SIK3: variants seen among roughly 807,000 people sequenced by gnomAD.
SIK3 encodes the protein serine/threonine-protein kinase SIK3.
Under a neutral mutation model 144.2 loss-of-function variants are expected in SIK3, and 28 were observed. The observed-to-expected ratio is 0.19, with a 90% confidence interval of 0.14 to 0.27. The LOEUF is 0.27. Ranked by LOEUF, SIK3 falls within the 10% of genes least tolerant of loss-of-function variation. The pLI, the probability that SIK3 is intolerant of heterozygous loss-of-function variation, is 1.00. For synonymous variants in SIK3, 686 were observed against 676.3 expected (o/e 1.01, Z -0.22); for missense variants, 1,319 against 1,776.0 (o/e 0.74, Z 4.62).
intron 1 of SIK3, among the ~76,000 whole-genome samples, chr11:116,980,176 C>T (rs187392713): frequency 9.1e-4 from 138 of 152,296 alleles, no homozygotes; most frequent in Non-Finnish European, 1.5e-3. Context: ...ATTTAATACA[C>T]CTAGCCTACC....
intron 4 of SIK3, among the ~76,000 whole-genome samples, chr11:116,918,394 C>T (rs1946783270): frequency 6.6e-6 from 1 of 152,036 alleles, no homozygotes; most frequent in Non-Finnish European, 1.5e-5. Flanking sequence ...TTTCCACCCC[C>T]ACCCCCACAA....
chr11:117,068,939 T>TAGTATGAC (rs1057383631), intron 1 of SIK3, among the ~76,000 whole-genome samples: 3 of 152,130 alleles, frequency 2.0e-5, no homozygotes, highest in African/African-American at 7.2e-5. Flanking sequence ...TAAAGATGGG[T>TAGTATGAC]AGTATGACTC....
intron 1 of SIK3, among the ~76,000 whole-genome samples, chr11:116,983,061 A>C (rs922008508): frequency 6.6e-6 from 1 of 151,800 alleles, no homozygotes; most frequent in African/African-American, 2.4e-5. Context: ...ATTTCTTAAA[A>C]ATTGAAATAT....
chr11:116,861,437 T>C, intron 18 of SIK3, 54 bp from the exon 19 acceptor site: 1 of 1,327,152 alleles, frequency 7.5e-7, no homozygotes, highest in Non-Finnish European at 1.1e-6. Flanking sequence ...GACAGTACAA[T>C]CTTAAGTTTC....
rs1023020155 is a variant in SIK3 at position 117,040,993 on chromosome 11, C to CA, written c.273+57149dup. ...AGCAAGGGCAACTAAAATCTACTCT[C>CA]AAAAAAAATCCCAGTGCAATACAAT... On this transcript the variant is annotated intron_variant, in intron 1 of 24. Coordinates refer to ENST00000445177, the MANE Select transcript of SIK3 (RefSeq NM_001366686.3). Among the ~76,000 whole-genome samples, 8 of 138,626 alleles carry CA rather than the reference C, an allele frequency of 5.8e-5. No homozygotes were observed. In the South Asian group the frequency reaches 6.9e-4, roughly 12 times the overall value. 90.9% of individuals were successfully genotyped at this position (138,626 alleles called of 152,430 possible).
intron 1 of SIK3, among the ~76,000 whole-genome samples, chr11:117,028,251 T>C (rs180897081): frequency 8.5e-5 from 13 of 152,300 alleles, no homozygotes; most frequent in East Asian, 3.9e-4. Context: ...AGTTAAACCC[T>C]TTTTTCATTT....
intron 1 of SIK3, among the ~76,000 whole-genome samples, chr11:117,002,672 A>G (rs566915161): frequency 1.3e-5 from 2 of 152,362 alleles, no homozygotes; most frequent in African/African-American, 4.8e-5. Context: ...TTGGCTTCAT[A>G]ATAAATACAT....
At position 116,886,229 on chromosome 11, in the gene SIK3, C is replaced by T. The variant is rs185655510; in HGVS notation, c.866-9187G>A. Among the ~76,000 whole-genome samples the T allele has an allele frequency of 2.0e-3, 304 of 152,336 alleles. 3 individuals are homozygous for T. Among genetic ancestry groups the T allele is most frequent in the African/African-American group, 6.8e-3 (282 of 41,586 alleles). On this transcript the variant is annotated intron_variant, in intron 6 of 24. Transcript: ENST00000445177. Reference sequence around the variant, plus strand: ...CAGCTGTGATTTCTACATTCACTGACATGAAAGCACTACATAGATTTTTCT... The same window carrying T: ...CAGCTGTGATTTCTACATTCACTGATATGAAAGCACTACATAGATTTTTCT...
chr11:117,023,605 CAAACAAAAAAAA>C (rs1236736136), intron 1 of SIK3, among the ~76,000 whole-genome samples: 1 of 64,126 alleles, frequency 1.6e-5, no homozygotes, highest in African/African-American at 1.2e-4. Context: ...AACAAACAAA[CAAACAAAAAAAA>C]AAAAATATAT....
Position 116,847,757 on chromosome 11 carries a change from G to C in SIK3, c.3820-149C>G, listed in dbSNP as rs11823231. On this transcript the variant is annotated intron_variant, in intron 22 of 24. Coordinates refer to ENST00000445177, the MANE Select transcript of SIK3 (RefSeq NM_001366686.3). ...CCTTCCTCTAAAGCACCACCCAAAG[G>C]GGGTGCTCCACAGCGACAGTGTGGG... 19,318 of 889,352 alleles carry C rather than the reference G, an allele frequency of 0.022. 2,504 individuals are homozygous for C. In the African/African-American group the frequency reaches 0.29, roughly 13 times the overall value. 55.1% of individuals were successfully genotyped at this position (889,352 alleles called of 1,614,324 possible).
intron 3 of SIK3, among the ~76,000 whole-genome samples, chr11:116,930,208 G>T (rs1054018436): frequency 6.6e-6 from 1 of 151,840 alleles, no homozygotes; most frequent in Non-Finnish European, 1.5e-5. Context: ...TGGCTCAATC[G>T]CATTCAGACC....
At chr11:117,024,715 C>T (rs148165073) in intron 1 of SIK3, among the ~76,000 whole-genome samples, 9 of 152,234 alleles carry the variant, frequency 5.9e-5, no homozygotes, top group Non-Finnish European at 1.2e-4. Context: ...GCCTGGGCAA[C>T]ATGGCAAAAC....
intron 1 of SIK3, among the ~76,000 whole-genome samples, chr11:117,029,749 G>A (rs1050729265): frequency 6.6e-6 from 1 of 152,098 alleles, no homozygotes; most frequent in African/African-American, 2.4e-5. Flanking sequence ...ACTGCCATCA[G>A]TGGAGATGAA....
rs184533037 is a variant in SIK3 at position 117,075,952 on chromosome 11, A to G, written c.273+22191T>C. Among the ~76,000 whole-genome samples, 96 of 146,374 alleles carry G rather than the reference A, an allele frequency of 6.6e-4. 5 individuals carry two copies. In the East Asian group the frequency reaches 0.017, roughly 26 times the overall value. ...CAACCTCCACCTCCTGGGTTCAAGC[A>G]ATTCTCCTGCCTCAGCCTCTCTAGT... is the stretch of plus-strand genomic sequence containing the variant. On this transcript the variant is annotated intron_variant, in intron 1 of 24. Coordinates refer to ENST00000445177, the MANE Select transcript of SIK3 (RefSeq NM_001366686.3).
chr11:117,051,832 A>G (rs923419538), intron 1 of SIK3, among the ~76,000 whole-genome samples: 1 of 151,736 alleles, frequency 6.6e-6, no homozygotes, highest in African/African-American at 2.4e-5. Context: ...CCTGGCCTAT[A>G]GAGGTTTATT....
chr11:117,084,570 C>T (rs892623585), intron 1 of SIK3, among the ~76,000 whole-genome samples: 4 of 152,110 alleles, frequency 2.6e-5, no homozygotes, highest in African/African-American at 9.7e-5. Context: ...CGGGCCCAGC[C>T]TCCCGTTATT....
chr11:116,870,730 A>T (rs1459664034), intron 13 of SIK3, among the ~76,000 whole-genome samples: 1 of 152,214 alleles, frequency 6.6e-6, no homozygotes, highest in African/African-American at 2.4e-5. Context: ...GAGGATAGAG[A>T]CAAGTAAACA....
intron 1 of SIK3, among the ~76,000 whole-genome samples, chr11:117,009,830 A>G (rs1157098709): frequency 6.6e-6 from 1 of 152,128 alleles, no homozygotes; most frequent in Non-Finnish European, 1.5e-5. Context: ...CTCCTCAAAA[A>G]CATTTCTTTC....
At chr11:117,095,819 C>T (rs1401180621) in intron 1 of SIK3, among the ~76,000 whole-genome samples, 1 of 152,186 alleles carries the variant, frequency 6.6e-6, no homozygotes, top group African/African-American at 2.4e-5. Context: ...TTGCACACTG[C>T]TACAGAAACA....
Sources: gnomAD v4.1 joint callset for allele counts (sites outside exome capture counted in the v4.1 genomes callset) on GRCh38, gnomAD v4.1.1 for gene constraint, MANE v1.5 for transcripts, NCBI Gene and HGNC (gene_info 2026-07-23, HGNC 2026-07-21) for gene names.